OTC: variants seen among roughly 807,000 people sequenced by gnomAD.
The protein encoded by OTC is ornithine transcarbamylase, also known as ornithine transcarbamylase, mitochondrial.
OTC carries 3 observed loss-of-function variants against 30.3 expected under a neutral mutation model. The observed-to-expected ratio is 0.10, with a 90% CI of 0.05 to 0.26. The LOEUF (loss-of-function observed/expected upper bound fraction) is 0.26. Among genes scored for constraint, OTC ranks in the 10% least tolerant of loss-of-function variants. The probability of loss-of-function intolerance (pLI) is 1.00; values close to 1 mark genes in which losing one functional copy is unlikely to be tolerated. For synonymous variants in OTC, 111 were observed against 99.7 expected (o/e 1.11, Z -0.67); for missense variants, 194 against 260.3 (o/e 0.75, Z 1.75).
rs1490654146 is a variant in OTC at position 38,366,291 on chromosome X, C to CTAT, written c.78-987_78-985dup. 4.5e-5 allele frequency among the ~76,000 whole-genome samples: 5 copies of CTAT among 111,497 alleles called. No individual in the cohort carries two copies. In the East Asian group the frequency reaches 1.1e-3, roughly 25 times the overall value. The stretch of plus-strand genomic sequence containing the variant: ...ATTTCTTAAGGTTTTTTTAAAATCA[C>CTAT]TATTATTATTATTATATTTTTGTTA... On this transcript the variant is annotated intron_variant, in intron 1 of 9. Transcript: ENST00000039007.
At chrX:38,364,439 A>G (rs1177080730) in intron 1 of OTC, among the ~76,000 whole-genome samples, 2 of 112,166 alleles carry the variant, frequency 1.8e-5, no homozygotes, top group Non-Finnish European at 3.8e-5. Flanking sequence ...GTTTCTACAT[A>G]TAAGCTGAAA....
intron 9 of OTC, among the ~76,000 whole-genome samples, chrX:38,418,738 A>G (rs2068581442): frequency 1.8e-5 from 2 of 111,731 alleles, no homozygotes; most frequent in African/African-American, 6.5e-5. Context: ...TTTATAAGGG[A>G]AAAGCCCTGT....
At chrX:38,328,174 C>T in the OTC span, among the ~76,000 whole-genome samples, 3 of 112,313 alleles carry the variant, frequency 2.7e-5, no homozygotes, top group African/African-American at 9.7e-5. Context: ...CATGCATCAA[C>T]ATTTGGCTAT....
chrX:38,384,574 C>T (rs2068392693), intron 4 of OTC, among the ~76,000 whole-genome samples: 1 of 112,208 alleles, frequency 8.9e-6, no homozygotes, highest in South Asian at 3.7e-4. Flanking sequence ...GCAATCGCTT[C>T]CTTTGCTTTT....
chrX:38,366,525 T>G (rs1292321099), intron 1 of OTC, among the ~76,000 whole-genome samples: 1 of 111,992 alleles, frequency 8.9e-6, no homozygotes, highest in East Asian at 2.8e-4. Context: ...TACAGCCCAA[T>G]GATTTTAATA....
chrX:38,407,523 C>T (rs1385915692), intron 6 of OTC, among the ~76,000 whole-genome samples: 1 of 111,786 alleles, frequency 8.9e-6, no homozygotes, highest in Non-Finnish European at 1.9e-5. Context: ...AGGATAATTA[C>T]AGTGTTTGAA....
chrX:38,408,501 GC>G (rs2068526480), intron 6 of OTC, among the ~76,000 whole-genome samples: 1 of 111,491 alleles, frequency 9.0e-6, no homozygotes. Context: ...CCTTATGTTT[GC>G]CTTTATGATT....
intron 1 of OTC, among the ~76,000 whole-genome samples, chrX:38,365,385 A>G (rs1458724554): frequency 8.9e-6 from 1 of 112,788 alleles, no homozygotes; most frequent in Non-Finnish European, 1.9e-5. Context: ...AAATGTTAAA[A>G]TTGATCTTTT....
chrX:38,352,696 G>A lies in OTC; in HGVS notation c.-1G>A. ...ATCGTCCTTTACACAATTAAAAGAA[G>A]ATGCTGTTTAATCTGAGGATCCTGT... On this transcript the variant is annotated 5_prime_UTR_variant, in exon 1 of 10. Coordinates refer to ENST00000039007, the MANE Select transcript of OTC (RefSeq NM_000531.6). 8.4e-7 allele frequency: 1 copy of A among 1,194,675 alleles called. No individual in the cohort carries two copies. Among genetic ancestry groups the A allele is most frequent in the Non-Finnish European group, 1.1e-6 (1 of 879,855 alleles).
At chrX:38,329,202 A>G in the OTC span, among the ~76,000 whole-genome samples, 1 of 111,618 alleles carries the variant, frequency 9.0e-6, no homozygotes, top group Admixed American at 9.5e-5. Flanking sequence ...GGAGGGGGGC[A>G]CCATTTACTG....
chrX:38,399,627 A>C (rs781759482), intron 4 of OTC, among the ~76,000 whole-genome samples: 167 of 110,645 alleles, frequency 1.5e-3, no homozygotes, highest in Middle Eastern at 4.2e-3. Flanking sequence ...CGAGCCTGTA[A>C]TCCTAGCTAC....
the OTC span, among the ~76,000 whole-genome samples, chrX:38,333,904 T>A: frequency 8.9e-6 from 1 of 112,515 alleles, no homozygotes; most frequent in South Asian, 3.7e-4. Context: ...ATTTCTAAAC[T>A]TTTTTAGTGC....
chrX:38,381,523 C>A, intron 4 of OTC, 94 bp downstream of exon 4: 1 of 627,371 alleles, frequency 1.6e-6, no homozygotes, highest in Non-Finnish European at 2.6e-6. Flanking sequence ...TAATGGTTTT[C>A]CCTCTAATTG....
the OTC span, among the ~76,000 whole-genome samples, chrX:38,337,872 A>C: frequency 1.8e-5 from 2 of 111,324 alleles, no homozygotes; most frequent in East Asian, 5.6e-4. Flanking sequence ...AATGATAGAG[A>C]AGACAGGAGG....
chrX:38,340,861 A>G, the OTC span, among the ~76,000 whole-genome samples: 1 of 109,555 alleles, frequency 9.1e-6, no homozygotes, highest in East Asian at 2.9e-4. Flanking sequence ...CAGTGGCACG[A>G]TCTCGACTCA....
the OTC span, among the ~76,000 whole-genome samples, chrX:38,340,451 GT>G: frequency 9.2e-4 from 34 of 36,987 alleles, no homozygotes; most frequent in African/African-American, 3.2e-3. Context: ...TCCCTTCATT[GT>G]TTTTTTGTTT....
At chrX:38,384,519 A>C (rs2068392455) in intron 4 of OTC, among the ~76,000 whole-genome samples, 1 of 112,474 alleles carries the variant, frequency 8.9e-6, no homozygotes, top group South Asian at 3.7e-4. Context: ...AAGGAAGCAA[A>C]TCTTAATGAC....
intron 4 of OTC, among the ~76,000 whole-genome samples, chrX:38,391,293 T>A (rs1272146464): frequency 9.0e-6 from 1 of 111,081 alleles, no homozygotes; most frequent in Non-Finnish European, 1.9e-5. Flanking sequence ...TACCTAATGT[T>A]AAATGACGAG....
downstream of OTC, among the ~76,000 whole-genome samples, chrX:38,422,539 G>A (rs1024473476): frequency 1.8e-5 from 2 of 111,837 alleles, no homozygotes; most frequent in African/African-American, 6.5e-5. Flanking sequence ...CTCATTCCTG[G>A]TTATTCTTTG....
Sources: gnomAD v4.1 joint callset for allele counts (sites outside exome capture counted in the v4.1 genomes callset) on GRCh38, gnomAD v4.1.1 for gene constraint, MANE v1.5 for transcripts, NCBI Gene and HGNC (gene_info 2026-07-23, HGNC 2026-07-21) for gene names.